FAM53A: variants seen among roughly 807,000 people sequenced by gnomAD.
FAM53A encodes the protein protein FAM53A.
A neutral mutation model predicts 26.6 loss-of-function variants in FAM53A; 28 were observed. The ratio of observed to expected loss-of-function variants is 1.05; its 90% CI spans 0.78 to 1.45. FAM53A has a LOEUF of 1.45. Ranked by LOEUF, FAM53A falls within the 40% of genes most tolerant of loss-of-function variation. The pLI, the probability that FAM53A is intolerant of heterozygous loss-of-function variation, is 0.00. For synonymous variants in FAM53A, 290 were observed against 253.1 expected (o/e 1.15, Z -1.38); for missense variants, 650 against 575.8 (o/e 1.13, Z -1.32).
the FAM53A span, among the ~76,000 whole-genome samples, chr4:1,582,450 A>T: frequency 0.028 from 4,231 of 152,264 alleles, 127 homozygotes; most frequent in African/African-American, 0.073. Context: ...ACCTACACAG[A>T]CCCAAGAGAG....
chr4:1,639,478 T>C (rs1366384789), downstream of FAM53A, among the ~76,000 whole-genome samples: 1 of 152,118 alleles, frequency 6.6e-6, no homozygotes, highest in Non-Finnish European at 1.5e-5. Flanking sequence ...GACACTCTCT[T>C]GAGCCCCTGT....
the FAM53A span, among the ~76,000 whole-genome samples, chr4:1,604,987 G>C: frequency 3.3e-5 from 5 of 152,124 alleles, no homozygotes; most frequent in South Asian, 1.0e-3. Context: ...TGCTTGGCAG[G>C]AACCTGCCCC....
chr4:1,611,535 G>T, the FAM53A span, among the ~76,000 whole-genome samples: 3 of 152,238 alleles, frequency 2.0e-5, no homozygotes, highest in African/African-American at 7.2e-5. Flanking sequence ...AAGAAGACAG[G>T]CAGCTCCTCA....
intron 2 of FAM53A, among the ~76,000 whole-genome samples, chr4:1,664,590 T>C (rs1282950493): frequency 6.6e-6 from 1 of 152,240 alleles, no homozygotes; most frequent in Non-Finnish European, 1.5e-5. Context: ...AGATATTCAG[T>C]TGACATGGGA....
At chr4:1,643,415 G>A (rs1156675064) in intron 4 of FAM53A, among the ~76,000 whole-genome samples, 1 of 151,912 alleles carries the variant, frequency 6.6e-6, no homozygotes, top group Non-Finnish European at 1.5e-5. Flanking sequence ...GCAGTGAGCC[G>A]AGATTGGGCC....
At position 1,679,171 on chromosome 4, in the gene FAM53A, C is replaced by T. The variant is rs184724521; in HGVS notation, c.-165+5062G>A. On this transcript the variant is annotated intron_variant, in intron 1 of 4. Coordinates refer to ENST00000308132, the MANE Select transcript of FAM53A (RefSeq NM_001174070.3). ...TATAAAAAGATATTTTAAAATTCAA[C>T]AATAAGAAAACAACCCCAGCCTGGC... 6.4e-4 allele frequency among the ~76,000 whole-genome samples: 97 copies of T among 152,044 alleles called. 1 individual carries two copies. Among genetic ancestry groups the T allele is most frequent in the Middle Eastern group, 3.4e-3 (1 of 294 alleles).
At chr4:1,596,506 C>A in the FAM53A span, among the ~76,000 whole-genome samples, 2 of 147,980 alleles carry the variant, frequency 1.4e-5, no homozygotes, top group African/African-American at 5.0e-5. Flanking sequence ...ACCTCAAGGA[C>A]CCTCCTGGCC....
intron 1 of FAM53A, among the ~76,000 whole-genome samples, chr4:1,675,823 C>T (rs1715004409): frequency 6.6e-6 from 1 of 152,228 alleles, no homozygotes; most frequent in Non-Finnish European, 1.5e-5. Flanking sequence ...CCCCTCGCTC[C>T]CCAGGATCTG....
At position 1,622,103 on chromosome 4, in the gene FAM53A, G is replaced by A. The variant is rs368334516; in HGVS notation, c.432-3992C>T. Among the ~76,000 whole-genome samples, 9 of 152,264 alleles carry A rather than the reference G, an allele frequency of 5.9e-5. No homozygotes were observed. In the East Asian group the frequency reaches 7.7e-4, roughly 13 times the overall value. ...CAAGAGACCCTCCAGATGCGGCTGC[G>A]CAATCTGGGACTTCCCAGCCTCCAG... On this transcript the variant is annotated intron_variant, in intron 1 of 1. Coordinates refer to the FAM53A transcript ENST00000489029.
At chr4:1,670,073 G>C (rs953418381) in intron 1 of FAM53A, among the ~76,000 whole-genome samples, 22 of 152,162 alleles carry the variant, frequency 1.4e-4, no homozygotes, top group South Asian at 2.1e-4. Context: ...TGGCACGTGG[G>C]AGCCACGTGA....
At chr4:1,633,810 A>G (rs975426069) in intron 1 of FAM53A, among the ~76,000 whole-genome samples, 2 of 152,194 alleles carry the variant, frequency 1.3e-5, no homozygotes, top group Non-Finnish European at 2.9e-5. Context: ...CCATTCTCCA[A>G]GAACATATAC....
intron 1 of FAM53A, among the ~76,000 whole-genome samples, chr4:1,624,744 C>T (rs943753045): frequency 6.2e-4 from 94 of 152,348 alleles, no homozygotes; most frequent in African/African-American, 2.0e-3. Flanking sequence ...CTGTGTTTCA[C>T]GCCAGATGAC....
exon 2 of FAM53A, chr4:1,618,076 T>C (rs552358610): frequency 2.2e-6 from 1 of 456,340 alleles, no homozygotes; most frequent in African/African-American, 2.0e-5. Flanking sequence ...TGCTATGTCA[T>C]GGCAACATAC....
chr4:1,665,888 C>T (rs560306619), intron 2 of FAM53A, among the ~76,000 whole-genome samples: 3 of 151,996 alleles, frequency 2.0e-5, no homozygotes, highest in African/African-American at 7.3e-5. Flanking sequence ...GCTCACAACC[C>T]GAGTGCAATA....
chr4:1,619,687 G>C (rs1362642811), intron 1 of FAM53A, among the ~76,000 whole-genome samples: 1 of 152,008 alleles, frequency 6.6e-6, no homozygotes, highest in African/African-American at 2.4e-5. Flanking sequence ...CTTGCGCTTT[G>C]TCTTTTACTA....
the FAM53A span, among the ~76,000 whole-genome samples, chr4:1,602,855 G>A: frequency 6.6e-6 from 1 of 152,114 alleles, no homozygotes; most frequent in African/African-American, 2.4e-5. Flanking sequence ...CCGGCGGGAG[G>A]GGCTGCTTGG....
intron 2 of FAM53A, among the ~76,000 whole-genome samples, chr4:1,661,670 C>T (rs1713847431): frequency 1.3e-5 from 2 of 151,446 alleles, no homozygotes; most frequent in South Asian, 4.2e-4. Context: ...TCTTCCAGCA[C>T]TCAGCCACCA....
intron 4 of FAM53A, among the ~76,000 whole-genome samples, chr4:1,648,820 A>G (rs1290572935): frequency 6.6e-6 from 1 of 152,204 alleles, no homozygotes; most frequent in Non-Finnish European, 1.5e-5. Flanking sequence ...GTCACTGAAG[A>G]AAACGGGGCA....
chr4:1,625,843 G>C (rs575741416), intron 1 of FAM53A, among the ~76,000 whole-genome samples: 1 of 152,278 alleles, frequency 6.6e-6, no homozygotes, highest in South Asian at 2.1e-4. Context: ...GGAGCCTTGG[G>C]GGAGACTGAA....
Sources: allele counts gnomAD v4.1 joint callset (sites outside exome capture counted in the v4.1 genomes callset), GRCh38; gene constraint gnomAD v4.1.1; transcripts MANE v1.5; gene names NCBI Gene and HGNC (gene_info 2026-07-23, HGNC 2026-07-21).